Variants in KAZN observed in about 807,000 individuals in gnomAD.
KAZN encodes kazrin.
A neutral mutation model predicts 87.4 loss-of-function variants in KAZN; 40 were observed. The ratio of observed to expected loss-of-function variants is 0.46; its 90% CI spans 0.36 to 0.60. The LOEUF (loss-of-function observed/expected upper bound fraction) is 0.60, where lower values mean the gene tolerates loss of function less well. Among genes scored for constraint, KAZN ranks in the 20% least tolerant of loss-of-function variants. KAZN has a pLI of 0.00. For missense variants in KAZN, 898 were observed against 1,073.9 expected, an observed-to-expected ratio of 0.84 and a Z score of 2.29; for synonymous variants, 466 against 458.3, an observed-to-expected ratio of 1.02 and a Z score of -0.22.
At chr1:13,970,332 C>T (rs761531090) in intron 1 of KAZN, among the ~76,000 whole-genome samples, 14 of 152,184 alleles carry the variant, frequency 9.2e-5, no homozygotes, top group African/African-American at 2.9e-4. Flanking sequence ...GTGCTAAGAA[C>T]GGTGCTGAGC....
rs114220668 is a variant in KAZN, at chr1:13,894,643, C to A, written c.91+887C>A. Among the ~76,000 whole-genome samples the A allele has an allele frequency of 9.1e-3, 1,379 of 152,250 alleles. 24 individuals carry two copies. Among genetic ancestry groups the A allele is most frequent in the African/African-American group, 0.031 (1,297 of 41,536 alleles). On this transcript the variant is annotated intron_variant, in intron 1 of 16. Transcript: ENST00000636203. ...CGTGAGTCTCAGGAAGATGGTGAGA[C>A]GAGCACTGTATTAGGAGTCTGGGGG...
At chr1:15,086,837 C>T (rs1294469608) in intron 8 of KAZN, among the ~76,000 whole-genome samples, 1 of 152,202 alleles carries the variant, frequency 6.6e-6, no homozygotes, top group Admixed American at 6.5e-5. Flanking sequence ...GGTATAGTGA[C>T]TTTTCAAGGG....
intron 1 of KAZN, among the ~76,000 whole-genome samples, chr1:14,817,700 T>G (rs1646612910): frequency 6.6e-6 from 1 of 152,080 alleles, no homozygotes; most frequent in Non-Finnish European, 1.5e-5. Context: ...AGCCTCCCAG[T>G]CTAGCTTCCG....
At chr1:14,439,398 T>C (rs2101438987) in intron 2 of KAZN, among the ~76,000 whole-genome samples, 1 of 152,330 alleles carries the variant, frequency 6.6e-6, no homozygotes, top group African/African-American at 2.4e-5. Context: ...AACTGCCTCC[T>C]AACAGAGTTA....
At chr1:14,934,941 C>T (rs981823177) in intron 1 of KAZN, among the ~76,000 whole-genome samples, 1 of 152,252 alleles carries the variant, frequency 6.6e-6, no homozygotes, top group African/African-American at 2.4e-5. Flanking sequence ...TGAGGGTCAT[C>T]GCTGATCTGG....
intron 1 of KAZN, among the ~76,000 whole-genome samples, chr1:14,867,039 C>T (rs1651535607): frequency 2.0e-5 from 3 of 152,246 alleles, no homozygotes; most frequent in African/African-American, 7.2e-5. Context: ...GCCCCTGCCT[C>T]CCTGATGGAC....
At chr1:15,097,371 G>T (rs1449506681) in intron 10 of KAZN, among the ~76,000 whole-genome samples, 1 of 151,812 alleles carries the variant, frequency 6.6e-6, no homozygotes, top group Non-Finnish European at 1.5e-5. Context: ...GTGACCATGG[G>T]CATGATGGCG....
rs543110951 is a variant in KAZN at position 14,664,653 on chromosome 1, C to CTT, written c.226+65445_226+65446dup. Reference sequence around the variant, plus strand: ...GGCCCAGGGATCCTTTTCTTTTTCTCTTTTTTTTTTTTTTTTCTGAGACAG... The same window carrying CTT: ...GGCCCAGGGATCCTTTTCTTTTTCTCTTTTTTTTTTTTTTTTTTCTGAGACAG... On this transcript the variant is annotated intron_variant, in intron 1 of 14. Coordinates refer to ENST00000376030, the MANE Select transcript of KAZN (RefSeq NM_201628.3). Among the ~76,000 whole-genome samples the CTT allele has an allele frequency of 3.6e-3, 504 of 139,384 alleles. 3 individuals carry two copies. Among genetic ancestry groups the CTT allele is most frequent in the African/African-American group, 0.012 (460 of 37,968 alleles). The allele number at this position is 139,384 out of a possible 152,430, so 91.4% of individuals were successfully genotyped here.
At chr1:14,238,851 C>A (rs777473492) in intron 2 of KAZN, among the ~76,000 whole-genome samples, 1 of 152,216 alleles carries the variant, frequency 6.6e-6, no homozygotes, top group African/African-American at 2.4e-5. Context: ...TCATTTATTT[C>A]ATTTGTTACC....
rs184641780 is a variant in KAZN at position 13,955,241 on chromosome 1, A to G, written c.91+61485A>G. Reference sequence around the variant, plus strand: ...TATTTCAGATGACCACAGTTATATAAGCTATTTCTTTATTAATATGGTCCG... The same window carrying G: ...TATTTCAGATGACCACAGTTATATAGGCTATTTCTTTATTAATATGGTCCG... On this transcript the variant is annotated intron_variant, in intron 1 of 16. Coordinates refer to the KAZN transcript ENST00000636203. 2.8e-3 allele frequency among the ~76,000 whole-genome samples: 422 copies of G among 152,240 alleles called. 2 individuals carry two copies. Among genetic ancestry groups the G allele is most frequent in the African/African-American group, 9.6e-3 (398 of 41,544 alleles).
chr1:14,524,472 A>G (rs947701604), intron 2 of KAZN, among the ~76,000 whole-genome samples: 5 of 152,140 alleles, frequency 3.3e-5, no homozygotes, highest in African/African-American at 1.2e-4. Flanking sequence ...CTCATTTCTA[A>G]AAACAAAAGA....
In KAZN at chr1:15,109,933, G is replaced by GTGTGTT. The variant is rs1557805798; in HGVS notation, c.2049-2489_2049-2488insTTGTGT. 6.1e-4 allele frequency among the ~76,000 whole-genome samples: 78 copies of GTGTGTT among 127,488 alleles called. 1 individual carries two copies. The South Asian group carries it at 9.9e-3, about 16-fold the overall frequency. The allele number at this position is 127,488 out of a possible 152,430, so 83.6% of individuals were successfully genotyped here. On this transcript the variant is annotated intron_variant, in intron 13 of 14. Transcript: ENST00000376030. ...TGTATGTTTGTGTATGGGTGTGTGT[G>GTGTGTT]TGTGTGTGTTTGTGTATGTGTTTGT...
rs1431821358 is a variant in KAZN, at chr1:15,048,726, G to A, written c.726+4567G>A. On this transcript the variant is annotated intron_variant, in intron 4 of 14. Transcript: ENST00000376030. ...CCTTGGTCGTTGGTCCTGGGTCGTT[G>A]GTCATGGGTCGTCGATCCTGGGTCG... Among the ~76,000 whole-genome samples, 32 of 145,706 alleles carry A rather than the reference G, an allele frequency of 2.2e-4. 2 individuals carry two copies. Among genetic ancestry groups the A allele is most frequent in the African/African-American group, 8.7e-4 (32 of 36,876 alleles).
intron 1 of KAZN, among the ~76,000 whole-genome samples, chr1:14,868,873 T>C (rs1651829838): frequency 6.6e-6 from 1 of 151,598 alleles, no homozygotes; most frequent in Non-Finnish European, 1.5e-5. Context: ...GTAAAAATAA[T>C]AATAAATAAT....
At chr1:15,041,613 A>C (rs1672941782) in intron 3 of KAZN, among the ~76,000 whole-genome samples, 2 of 152,150 alleles carry the variant, frequency 1.3e-5, no homozygotes, top group African/African-American at 4.8e-5. Flanking sequence ...CTGGGACTAC[A>C]GGCATGAGCC....
intron 2 of KAZN, among the ~76,000 whole-genome samples, chr1:14,542,465 G>A (rs1194629158): frequency 6.6e-6 from 1 of 151,978 alleles, no homozygotes; most frequent in Non-Finnish European, 1.5e-5. Context: ...AAGAACTAGG[G>A]TATAACAACT....
At chr1:14,780,936 C>G (rs1182831594) in intron 1 of KAZN, among the ~76,000 whole-genome samples, 1 of 152,184 alleles carries the variant, frequency 6.6e-6, no homozygotes, top group Non-Finnish European at 1.5e-5. Flanking sequence ...ACAGCAAAAT[C>G]CCTTCTGCAC....
chr1:13,932,779 C>T (rs551963485), intron 1 of KAZN, among the ~76,000 whole-genome samples: 32 of 152,164 alleles, frequency 2.1e-4, no homozygotes, highest in Non-Finnish European at 3.8e-4. Flanking sequence ...AAATGTTTGA[C>T]GCTGGAATGA....
chr1:14,173,205 C>T (rs1299734029), intron 1 of KAZN, among the ~76,000 whole-genome samples: 1 of 152,100 alleles, frequency 6.6e-6, no homozygotes, highest in Non-Finnish European at 1.5e-5. Context: ...ATAACCACAC[C>T]AATAACTGTT....
Sources: gnomAD v4.1 joint callset for allele counts (sites outside exome capture counted in the v4.1 genomes callset) on GRCh38, gnomAD v4.1.1 for gene constraint, MANE v1.5 for transcripts, NCBI Gene and HGNC (gene_info 2026-07-23, HGNC 2026-07-21) for gene names.